DNAAF4: variants seen among roughly 807,000 people sequenced by gnomAD.
DNAAF4 encodes the protein dynein axonemal assembly factor 4, also known as dynein assembly factor 4, axonemal.
DNAAF4 carries 43 observed loss-of-function variants against 51.8 expected under a neutral mutation model. That is an observed-to-expected ratio of 0.83 (90% CI 0.65 to 1.07). The LOEUF (loss-of-function observed/expected upper bound fraction) is 1.07. DNAAF4 is among the 50% of genes least tolerant of loss of function. The pLI is 0.00. For synonymous variants in DNAAF4, 194 were observed against 165.6 expected (o/e 1.17, Z -1.32); for missense variants, 581 against 493.0 (o/e 1.18, Z -1.69).
chr15:55,436,898 G>A (rs934941898), intron 7 of DNAAF4, among the ~76,000 whole-genome samples: 3 of 151,742 alleles, frequency 2.0e-5, no homozygotes, highest in Non-Finnish European at 2.9e-5. Context: ...TCGATTCACC[G>A]CAACCTCCAC....
rs531774923 is a variant in DNAAF4, at chr15:55,470,024, A to G, written c.406-2863T>C. Among the ~76,000 whole-genome samples the G allele has an allele frequency of 4.6e-5, 7 of 151,664 alleles. No homozygotes were observed. In the South Asian group the frequency reaches 1.5e-3, roughly 32 times the overall value. On this transcript the variant is annotated intron_variant, in intron 4 of 9. Coordinates refer to ENST00000321149, the MANE Select transcript of DNAAF4 (RefSeq NM_130810.4). The stretch of plus-strand genomic sequence containing the variant: ...CCATTTGCTTCAATGGCTCACAGGA[A>G]TCAGATAAATACCTCGCTTATATTT...
intron 6 of DNAAF4, among the ~76,000 whole-genome samples, chr15:55,447,984 G>C (rs922211188): frequency 6.6e-6 from 1 of 152,138 alleles, no homozygotes; most frequent in Non-Finnish European, 1.5e-5. Context: ...TCCCTGTCTT[G>C]TGCCAGTTTT....
At chr15:55,434,575 G>T (rs1200074122) in intron 8 of DNAAF4, among the ~76,000 whole-genome samples, 1 of 152,122 alleles carries the variant, frequency 6.6e-6, no homozygotes, top group Non-Finnish European at 1.5e-5. Flanking sequence ...GCTCATGTCT[G>T]TAATCCCAGC....
In DNAAF4 at chr15:55,489,999, G is replaced by A. The variant is rs576279207; in HGVS notation, c.405+1124C>T. On this transcript the variant is annotated intron_variant, in intron 4 of 9. Transcript: ENST00000321149. The stretch of plus-strand genomic sequence containing the variant: ...AGCGATTTTCCTGCCTCAGCCTACC[G>A]AGTAGCTGGGATTACAGGTGCCCAC... Among the ~76,000 whole-genome samples the A allele has an allele frequency of 7.9e-5, 12 of 150,998 alleles. No homozygotes were observed. The East Asian group carries it at 1.8e-3, about 23-fold the overall frequency.
intron 7 of DNAAF4, among the ~76,000 whole-genome samples, chr15:55,438,215 G>A (rs1175903288): frequency 6.6e-6 from 1 of 151,882 alleles, no homozygotes. Context: ...GTTGGGCGTG[G>A]TGGCAGGCGC....
At chr15:55,459,782 C>T (rs141247519) in intron 5 of DNAAF4, among the ~76,000 whole-genome samples, 2,947 of 151,716 alleles carry the variant, frequency 0.019, 110 homozygotes, top group African/African-American at 0.068. Flanking sequence ...TGGCTCACTG[C>T]AACCTCTGCC....
chr15:55,467,711 GGTCT>G (rs1340241292), intron 4 of DNAAF4, among the ~76,000 whole-genome samples: 1 of 152,076 alleles, frequency 6.6e-6, no homozygotes, highest in Non-Finnish European at 1.5e-5. Context: ...TGAACAAGAC[GGTCT>G]GTCTCTGCTG....
intron 6 of DNAAF4, among the ~76,000 whole-genome samples, chr15:55,444,376 G>A (rs1217447735): frequency 6.6e-6 from 1 of 152,108 alleles, no homozygotes; most frequent in East Asian, 1.9e-4. Context: ...TTATTTCTGA[G>A]GGCTCTGTTC....
intron 5 of DNAAF4, among the ~76,000 whole-genome samples, chr15:55,455,459 T>G (rs1417213621): frequency 6.6e-6 from 1 of 150,508 alleles, no homozygotes; most frequent in African/African-American, 2.4e-5. Flanking sequence ...TGAGACAGGG[T>G]CTCACTCTGT....
At chr15:55,445,576 T>A (rs1325625473) in intron 6 of DNAAF4, among the ~76,000 whole-genome samples, 2 of 152,036 alleles carry the variant, frequency 1.3e-5, no homozygotes, top group Admixed American at 6.5e-5. Flanking sequence ...TGGGTACACC[T>A]CCCAGATGGG....
chr15:55,418,896 G>A (rs2141377364), intron 7 of DNAAF4: 1 of 171,420 alleles, frequency 5.8e-6, no homozygotes, highest in South Asian at 1.8e-4. Context: ...ATTGATTTAA[G>A]GAAGCTTCTG....
rs2141394531 is a variant in DNAAF4 at position 55,430,509 on chromosome 15, G to T, written c.*161C>A. ...ATTTACTTATTCAGAAATGATTCAA[G>T]TCAAACAGTTTATTTTCTATAGATT... On this transcript the variant is annotated 3_prime_UTR_variant, in exon 10 of 10. Transcript: ENST00000321149. 8.2e-7 allele frequency: 1 copy of T among 1,217,680 alleles called. No homozygotes were observed. The highest frequency in any genetic ancestry group is 1.0e-6 in the Non-Finnish European group (1 of 965,992). The allele number at this position is 1,217,680 out of a possible 1,614,324, so 75.4% of individuals were successfully genotyped here. A position where few individuals can be genotyped will look rare whatever the true frequency, so the allele number is the denominator to read the frequency against.
At chr15:55,466,049 T>C (rs563398110) in intron 5 of DNAAF4, among the ~76,000 whole-genome samples, 6 of 152,314 alleles carry the variant, frequency 3.9e-5, no homozygotes, top group African/African-American at 1.2e-4. Context: ...AAAGAACTTA[T>C]ACATGTAACC....
At chr15:55,452,260 A>AAT (rs1416677523) in intron 5 of DNAAF4, among the ~76,000 whole-genome samples, 1 of 150,248 alleles carries the variant, frequency 6.7e-6, no homozygotes, top group Non-Finnish European at 1.5e-5. Context: ...AAAAAAAAAA[A>AAT]AAAAAAAAAG....
intron 5 of DNAAF4, among the ~76,000 whole-genome samples, chr15:55,458,170 T>A (rs1306857526): frequency 6.6e-6 from 1 of 152,110 alleles, no homozygotes; most frequent in Admixed American, 6.6e-5. Context: ...TCTCCAGCAA[T>A]GGATCCAAAC....
intron 6 of DNAAF4, among the ~76,000 whole-genome samples, chr15:55,441,779 T>A (rs1171877388): frequency 6.6e-6 from 1 of 152,224 alleles, no homozygotes; most frequent in Non-Finnish European, 1.5e-5. Context: ...TTCCATGGTG[T>A]CTATGTGCCA....
intron 8 of DNAAF4, among the ~76,000 whole-genome samples, chr15:55,434,531 G>C (rs1441431402): frequency 6.6e-6 from 1 of 152,116 alleles, no homozygotes; most frequent in Non-Finnish European, 1.5e-5. Flanking sequence ...GAAAATGATT[G>C]TAGAGATATC....
At chr15:55,443,987 G>A (rs1407834796) in intron 6 of DNAAF4, among the ~76,000 whole-genome samples, 1 of 152,066 alleles carries the variant, frequency 6.6e-6, no homozygotes, top group African/African-American at 2.4e-5. Flanking sequence ...CTCCCATTCT[G>A]TAGGTTGCCT....
At chr15:55,474,351 T>C (rs1309228474) in intron 4 of DNAAF4, among the ~76,000 whole-genome samples, 2 of 152,016 alleles carry the variant, frequency 1.3e-5, no homozygotes, top group Non-Finnish European at 2.9e-5. Context: ...CTGGCCAACA[T>C]GTTGAAACCT....
Sources: allele counts gnomAD v4.1 joint callset (sites outside exome capture counted in the v4.1 genomes callset), GRCh38; gene constraint gnomAD v4.1.1; transcripts MANE v1.5; gene names NCBI Gene and HGNC (gene_info 2026-07-23, HGNC 2026-07-21).